LRMDA: variants seen among roughly 807,000 people sequenced by gnomAD.
LRMDA encodes leucine rich melanocyte differentiation associated.
In LRMDA, 18 loss-of-function variants were observed where a neutral mutation model predicts 29.8. The ratio of observed to expected loss-of-function variants is 0.60; its 90% CI spans 0.42 to 0.90. LRMDA has a LOEUF of 0.90. LRMDA is among the 40% of genes least tolerant of loss of function. The probability of loss-of-function intolerance (pLI) is 0.00; values close to 1 mark genes in which losing one functional copy is unlikely to be tolerated. For missense variants in LRMDA, 273 were observed against 273.9 expected, an observed-to-expected ratio of 1.00 and a Z score of 0.02; for synonymous variants, 125 against 109.4, an observed-to-expected ratio of 1.14 and a Z score of -0.89.
chr10:75,608,129 T>TATATATATATATATATATACACACACAC (rs11271217), intron 2 of LRMDA, among the ~76,000 whole-genome samples: 109 of 89,540 alleles, frequency 1.2e-3, no homozygotes, highest in African/African-American at 3.3e-3. Flanking sequence ...TATATATATA[T>TATATATATATATATATATACACACACAC]ACACACACAT....
intron 6 of LRMDA, among the ~76,000 whole-genome samples, chr10:76,440,540 C>T (rs1440923822): frequency 1.7e-4 from 1 of 5,944 alleles, no homozygotes; most frequent in Non-Finnish European, 2.9e-4. Flanking sequence ...ATTAACTTCA[C>T]TTAGTCTGAT....
intron 2 of LRMDA, among the ~76,000 whole-genome samples, chr10:75,443,914 T>C (rs952744760): frequency 6.6e-6 from 1 of 152,216 alleles, no homozygotes; most frequent in Non-Finnish European, 1.5e-5. Context: ...TTGTATTTAC[T>C]GCTTGCCAAG....
intron 5 of LRMDA, among the ~76,000 whole-genome samples, chr10:76,158,692 AG>A (rs1466149694): frequency 1.3e-5 from 2 of 152,226 alleles, no homozygotes; most frequent in Admixed American, 6.5e-5. Flanking sequence ...GAAACCTTAA[AG>A]ATCATCATGC....
chr10:75,859,495 T>TAGA (rs1353378789), intron 2 of LRMDA, among the ~76,000 whole-genome samples: 1 of 152,158 alleles, frequency 6.6e-6, no homozygotes, highest in Non-Finnish European at 1.5e-5. Context: ...ATATGTATTG[T>TAGA]CTTTTTTGTT....
intron 2 of LRMDA, among the ~76,000 whole-genome samples, chr10:75,978,391 A>G (rs908713975): frequency 1.3e-5 from 2 of 152,272 alleles, no homozygotes; most frequent in African/African-American, 4.8e-5. Context: ...CTCCCTCAAG[A>G]AGCAGGGAGG....
At chr10:75,879,319 C>T (rs1340873178) in intron 2 of LRMDA, among the ~76,000 whole-genome samples, 1 of 152,170 alleles carries the variant, frequency 6.6e-6, no homozygotes, top group African/African-American at 2.4e-5. Context: ...TTCCATTAGC[C>T]CTGCGTACCT....
chr10:76,398,085 G>A (rs1013865593), intron 6 of LRMDA, among the ~76,000 whole-genome samples: 15 of 152,102 alleles, frequency 9.9e-5, no homozygotes, highest in African/African-American at 3.1e-4. Context: ...TGCCAGAACC[G>A]AGCAGGTCTG....
At chr10:75,596,404 G>A (rs916994914) in intron 2 of LRMDA, among the ~76,000 whole-genome samples, 1 of 152,186 alleles carries the variant, frequency 6.6e-6, no homozygotes, top group African/African-American at 2.4e-5. Flanking sequence ...TAGTTGGATG[G>A]CCAGTCACTT....
intron 2 of LRMDA, among the ~76,000 whole-genome samples, chr10:75,700,100 G>A (rs544905407): frequency 1.3e-5 from 2 of 152,126 alleles, no homozygotes; most frequent in Non-Finnish European, 2.9e-5. Flanking sequence ...CTGAATCAGA[G>A]AATAAATTTC....
At chr10:76,031,367 T>C (rs1220343113) in intron 2 of LRMDA, among the ~76,000 whole-genome samples, 1 of 152,222 alleles carries the variant, frequency 6.6e-6, no homozygotes, top group Non-Finnish European at 1.5e-5. Flanking sequence ...TTCTGGCCTC[T>C]GAAAGAATAC....
At chr10:75,493,147 T>C (rs1459240782) in intron 2 of LRMDA, among the ~76,000 whole-genome samples, 1 of 152,214 alleles carries the variant, frequency 6.6e-6, no homozygotes, top group African/African-American at 2.4e-5. Context: ...CGGGGCTGAC[T>C]GCTGTGAGTT....
At chr10:75,444,164 C>T (rs1013351736) in intron 2 of LRMDA, among the ~76,000 whole-genome samples, 14 of 152,228 alleles carry the variant, frequency 9.2e-5, no homozygotes, top group African/African-American at 1.9e-4. Context: ...TCTCATTATA[C>T]GTCAGAGTCT....
chr10:76,009,623 C>T (rs143828116), intron 2 of LRMDA, among the ~76,000 whole-genome samples: 46 of 152,278 alleles, frequency 3.0e-4, no homozygotes, highest in African/African-American at 1.0e-3. Flanking sequence ...TCCCATGTAT[C>T]ATCAGAGCCT....
At chr10:75,434,492 A>C (rs954581791) in intron 1 of LRMDA, among the ~76,000 whole-genome samples, 4 of 152,238 alleles carry the variant, frequency 2.6e-5, no homozygotes, top group African/African-American at 9.6e-5. Flanking sequence ...ATGGTGACTC[A>C]TCCGCGACAA....
intron 2 of LRMDA, among the ~76,000 whole-genome samples, chr10:75,910,008 T>C (rs1564603945): frequency 6.6e-6 from 1 of 152,220 alleles, no homozygotes; most frequent in Non-Finnish European, 1.5e-5. Flanking sequence ...GTTCTTCTTA[T>C]GGTTTTCTGA....
chr10:75,593,559 T>C (rs1035100535), intron 2 of LRMDA, among the ~76,000 whole-genome samples: 2 of 152,250 alleles, frequency 1.3e-5, no homozygotes, highest in African/African-American at 4.8e-5. Context: ...TAAAGAAAAG[T>C]ATACGAATGG....
At chr10:75,618,998 C>T (rs994874868) in intron 2 of LRMDA, among the ~76,000 whole-genome samples, 3 of 151,958 alleles carry the variant, frequency 2.0e-5, no homozygotes, top group African/African-American at 2.4e-5. Context: ...GGGGTTTCAC[C>T]GTGTTAGCCA....
intron 6 of LRMDA, among the ~76,000 whole-genome samples, chr10:76,364,016 A>G (rs1248928585): frequency 1.3e-5 from 2 of 152,150 alleles, no homozygotes; most frequent in African/African-American, 4.8e-5. Context: ...CATGATTTCC[A>G]TATTTATAGG....
At chr10:75,784,428 G>C (rs1231566268) in intron 2 of LRMDA, among the ~76,000 whole-genome samples, 4 of 152,126 alleles carry the variant, frequency 2.6e-5, no homozygotes, top group Non-Finnish European at 4.4e-5. Flanking sequence ...GGCCGGGTGC[G>C]GTGGCTCACG....
Sources: allele counts gnomAD v4.1 joint callset (sites outside exome capture counted in the v4.1 genomes callset), GRCh38; gene constraint gnomAD v4.1.1; transcripts MANE v1.5; gene names NCBI Gene and HGNC (gene_info 2026-07-23, HGNC 2026-07-21).